PASD1: variants seen among roughly 807,000 people sequenced by gnomAD.
PASD1 encodes PAS domain containing repressor 1.
PASD1 carries 13 observed loss-of-function variants against 58.8 expected under a neutral mutation model. That is an observed-to-expected ratio of 0.22 (90% CI 0.14 to 0.35). The LOEUF (loss-of-function observed/expected upper bound fraction) is 0.35, where lower values mean the gene tolerates loss of function less well. Ranked by LOEUF, PASD1 falls within the 10% of genes least tolerant of loss-of-function variation. PASD1 has a pLI of 1.00. For synonymous variants in PASD1, 236 were observed against 216.7 expected, an observed-to-expected ratio of 1.09 and a Z score of -0.78; for missense variants, 734 against 568.3, an observed-to-expected ratio of 1.29 and a Z score of -2.96.
chrX:151,598,865 T>C (rs911446726), intron 1 of PASD1, among the ~76,000 whole-genome samples: 2 of 106,426 alleles, frequency 1.9e-5, no homozygotes, highest in Non-Finnish European at 2.0e-5. Flanking sequence ...GGGTGTTTCT[T>C]GGAGAGGGGG....
chrX:151,675,049 C>T lies in PASD1; in HGVS notation c.2175+863C>T, dbSNP rs189380120. ...AATAGGTCCTATGGTTCCTATGGTT[C>T]CATTACCAAGCCAGACTTTGTTGAG... is the stretch of plus-strand genomic sequence containing the variant. On this transcript the variant is annotated intron_variant, in intron 15 of 15. Transcript: ENST00000370357. Among the ~76,000 whole-genome samples, 190 of 111,756 alleles carry T rather than the reference C, an allele frequency of 1.7e-3. 1 individual carries two copies. The highest frequency in any genetic ancestry group is 5.6e-3 in the African/African-American group (172 of 30,769).
chrX:151,659,032 C>T (rs1439191402), intron 9 of PASD1, among the ~76,000 whole-genome samples: 1 of 112,346 alleles, frequency 8.9e-6, no homozygotes, highest in Non-Finnish European at 1.9e-5. Flanking sequence ...TCACTCTGCT[C>T]CTGTCTGTCT....
intron 9 of PASD1, 87 bp from the exon 10 acceptor site, chrX:151,659,626 G>T: frequency 2.2e-6 from 2 of 914,030 alleles, no homozygotes; most frequent in South Asian, 5.6e-5. Flanking sequence ...GATGTGAAAT[G>T]CATCAAAGTT....
rs1344373501 is a variant in PASD1, at chrX:151,570,296, A to G, written c.-28+6457A>G. On this transcript the variant is annotated intron_variant, in intron 1 of 15. Transcript: ENST00000370357. ...CTACTCAGACTTGCCCTGATTTAAA[A>G]ACTGTATTTACAGAATGTTCACAGC... Among the ~76,000 whole-genome samples the G allele has an allele frequency of 3.6e-5, 4 of 112,153 alleles. No individual in the cohort carries two copies. In the East Asian group the frequency reaches 1.1e-3, roughly 31 times the overall value.
intron 1 of PASD1, among the ~76,000 whole-genome samples, chrX:151,594,928 T>A (rs1254227232): frequency 8.9e-6 from 1 of 111,788 alleles, no homozygotes; most frequent in Non-Finnish European, 1.9e-5. Context: ...CTAGGTTGAT[T>A]TTCCAACCCC....
rs183131059 is a variant in PASD1 at position 151,610,120 on chromosome X, A to G, written c.118-1544A>G. ...ATTACTTCTGGATAATTTTCCACCT[A>G]TATCTCACTGAGTATTTCCTCTTCT... On this transcript the variant is annotated intron_variant, in intron 3 of 15. Coordinates refer to ENST00000370357, the MANE Select transcript of PASD1 (RefSeq NM_173493.3). Among the ~76,000 whole-genome samples the G allele has an allele frequency of 2.1e-4, 23 of 111,430 alleles. 1 individual carries two copies. In the South Asian group the frequency reaches 8.3e-3, roughly 40 times the overall value.
intron 1 of PASD1, among the ~76,000 whole-genome samples, chrX:151,599,791 G>T (rs769442346): frequency 3.7e-5 from 4 of 109,205 alleles, no homozygotes; most frequent in African/African-American, 1.0e-4. Context: ...CTGGGCGGCC[G>T]GGCAGAGGGC....
At chrX:151,577,913 C>T (rs1463099856) in intron 1 of PASD1, among the ~76,000 whole-genome samples, 1 of 111,714 alleles carries the variant, frequency 9.0e-6, no homozygotes, top group Non-Finnish European at 1.9e-5. Context: ...GAACTGCAAC[C>T]AGTAAACCAG....
intron 1 of PASD1, among the ~76,000 whole-genome samples, chrX:151,565,456 T>G (rs1167438365): frequency 9.0e-6 from 1 of 111,519 alleles, no homozygotes; most frequent in Non-Finnish European, 1.9e-5. Context: ...AACTGGACCT[T>G]TCTTCCATCA....
At chrX:151,672,115 T>C (rs1480810518) in intron 13 of PASD1, 68 bp from the exon 14 acceptor site, 3 of 1,105,111 alleles carry the variant, frequency 2.7e-6, no homozygotes, top group Non-Finnish European at 3.5e-6. Context: ...TGAATGGGAG[T>C]GTTAAATAAG....
intron 1 of PASD1, among the ~76,000 whole-genome samples, chrX:151,600,584 T>A (rs1173235826): frequency 9.0e-6 from 1 of 110,806 alleles, no homozygotes; most frequent in African/African-American, 3.3e-5. Flanking sequence ...TTTTTTTCAA[T>A]GTAATGTTAG....
chrX:151,595,618 G>T (rs5969808), intron 1 of PASD1, among the ~76,000 whole-genome samples: 55,508 of 107,507 alleles, frequency 0.52, 11,726 homozygotes, highest in East Asian at 0.95. Flanking sequence ...CCGGCTACTC[G>T]GGAAGTTGAG....
chrX:151,602,724 G>T (rs1466101577), intron 2 of PASD1, among the ~76,000 whole-genome samples: 190 of 109,290 alleles, frequency 1.7e-3, no homozygotes, highest in African/African-American at 5.2e-3. Flanking sequence ...AGAAGAAGAA[G>T]AAGAAGAATT....
At chrX:151,583,979 T>G (rs2013131427) in intron 1 of PASD1, among the ~76,000 whole-genome samples, 1 of 111,971 alleles carries the variant, frequency 8.9e-6, no homozygotes, top group African/African-American at 3.2e-5. Context: ...GAGAAGAGTA[T>G]GAATTTAATG....
Position 151,672,541 on chromosome X carries a change from A to G in PASD1, c.1796A>G (p.Asn599Ser). 8.3e-7 allele frequency: 1 copy of G among 1,211,940 alleles called. No individual in the cohort carries two copies. The highest frequency in any genetic ancestry group is 1.1e-6 in the Non-Finnish European group (1 of 895,563). The change falls in exon 14 of 16, where the codon AAT (asparagine) becomes AGT (serine). Residue 599 changes from asparagine (N) to serine (S), a missense_variant. By Grantham distance (46) the Asn-to-Ser change is conservative (BLOSUM62 1). Transcript: ENST00000370357. The stretch of plus-strand genomic sequence containing the variant: ...CGTGACGTATCTGTGCCCCTCTGCA[A>G]TCACCCTGTTAGATTTTTACAGGCC... ...NPRDVSVPLCNHPVRFLQAQP... is the reference protein window; with the variant it reads ...NPRDVSVPLCSHPVRFLQAQP...
In PASD1 at chrX:151,671,064, A is replaced by G. The variant is rs767746772; in HGVS notation, c.1098A>G (p.Ala366=). 3 of 1,211,324 alleles carry G rather than the reference A, an allele frequency of 2.5e-6. No homozygotes were observed. The highest frequency in any genetic ancestry group is 3.4e-6 in the Non-Finnish European group (3 of 895,245). Reference sequence around the variant, plus strand: ...CATTACAGCCATCATCACCAGTTGCATATGACATCATTAGCCAGGAACTGG... The same window carrying G: ...CATTACAGCCATCATCACCAGTTGCGTATGACATCATTAGCCAGGAACTGG... ...AQPLQPSSPV[A]YDIISQELEL... is the part of the protein sequence containing the mutation. Residue 366 remains alanine, a synonymous_variant, in exon 12 of 16, where the codon GCA becomes GCG. Transcript: ENST00000370357.
chrX:151,657,412 T>C (rs767774703), intron 9 of PASD1, among the ~76,000 whole-genome samples: 121 of 112,021 alleles, frequency 1.1e-3, no homozygotes, highest in African/African-American at 3.8e-3. Flanking sequence ...TCCTATTGAT[T>C]GGAATAGTTT....
At chrX:151,570,081 A>G (rs1252451020) in intron 1 of PASD1, among the ~76,000 whole-genome samples, 1 of 111,291 alleles carries the variant, frequency 9.0e-6, no homozygotes, top group Non-Finnish European at 1.9e-5. Context: ...GCTTTTTGGG[A>G]CAAGGCAGCC....
chrX:151,613,636 A>T (rs2013597692), intron 4 of PASD1, among the ~76,000 whole-genome samples: 1 of 111,514 alleles, frequency 9.0e-6, no homozygotes, highest in South Asian at 3.8e-4. Context: ...ATATTGGTGT[A>T]TGAGAATGCT....
Sources: gnomAD v4.1 joint callset for allele counts (sites outside exome capture counted in the v4.1 genomes callset) on GRCh38, gnomAD v4.1.1 for gene constraint, MANE v1.5 for transcripts, NCBI Gene and HGNC (gene_info 2026-07-23, HGNC 2026-07-21) for gene names.